The following CORO7 variants were observed in gnomAD, a reference collection of about 807,000 sequenced individuals.
CORO7 encodes the protein coronin 7, also known as coronin-7.
CORO7 carries 107 observed loss-of-function variants against 126.6 expected under a neutral mutation model. The ratio of observed to expected loss-of-function variants is 0.85; its 90% CI spans 0.72 to 0.99. CORO7 has a LOEUF of 0.99. CORO7 is among the 50% of genes least tolerant of loss of function. The pLI is 0.00. For missense variants in CORO7, 1,314 were observed against 1,255.8 expected (o/e 1.05, Z -0.70); for synonymous variants, 603 against 536.8 (o/e 1.12, Z -1.70).
chr16:4,403,713 T>C (rs934887), intron 6 of CORO7, among the ~76,000 whole-genome samples: 7,869 of 152,212 alleles, frequency 0.052, 249 homozygotes, highest in Admixed American at 0.1. Context: ...ACAACTGTGA[T>C]AGTAAATAGG....
chr16:4,392,405 C>T (rs754547579), intron 7 of CORO7, among the ~76,000 whole-genome samples: 7 of 152,174 alleles, frequency 4.6e-5, no homozygotes, highest in Non-Finnish European at 7.4e-5. Context: ...AAGTGCCTGG[C>T]GCATAACAAA....
At chr16:4,378,879 G>A (rs758555524) in intron 9 of CORO7, among the ~76,000 whole-genome samples, 3 of 152,056 alleles carry the variant, frequency 2.0e-5, no homozygotes, top group Non-Finnish European at 2.9e-5. Context: ...TCGCTAACTG[G>A]CTAGGGGCTC....
chr16:4,369,579 G>C (rs1357690537), intron 9 of CORO7, among the ~76,000 whole-genome samples: 1 of 152,198 alleles, frequency 6.6e-6, no homozygotes, highest in Non-Finnish European at 1.5e-5. Context: ...TGGGAGGCAC[G>C]AGCAGTTTCA....
At chr16:4,383,193 G>T in intron 9 of CORO7, 1 of 383,880 alleles carries the variant, frequency 2.6e-6, no homozygotes, top group Non-Finnish European at 4.8e-6. Context: ...GCCATGTGCT[G>T]GTAACGCATG....
intron 1 of CORO7, 145 bp downstream of exon 1, chr16:4,416,314 C>T (rs2056410306): frequency 1.7e-6 from 2 of 1,192,160 alleles, no homozygotes; most frequent in East Asian, 6.4e-5. Context: ...GACGCCGGGG[C>T]CCTGGCCTGA....
intron 9 of CORO7, chr16:4,382,859 C>T (rs774531269): frequency 6.3e-7 from 1 of 1,576,530 alleles, no homozygotes; most frequent in Non-Finnish European, 8.6e-7. Context: ...TTCCCAGGGC[C>T]TGGCCTCCAG....
chr16:4,382,411 C>T (rs2055018393), intron 9 of CORO7: 2 of 1,611,658 alleles, frequency 1.2e-6, no homozygotes, highest in South Asian at 1.1e-5. Context: ...GGTGACGCTG[C>T]GACTGCCTGC....
rs374434380 is a variant in CORO7 at position 4,361,412 on chromosome 16, C to T, written c.1636G>A (p.Ala546Thr). ...GGGTCCCAGGCCAGATCAGTCACAG[C>T]TGCCCCATTCTGCAGCGTGGGCAGT... The part of the protein sequence containing the change: ...TALPTLQNGA[A>T]VTDLAWDPFD... The change falls in exon 17 of 28, where the codon GCT becomes ACT. Residue 546 changes from alanine to threonine, a missense_variant. Coordinates refer to ENST00000251166, the MANE Select transcript of CORO7 (RefSeq NM_024535.5). The T allele has an allele frequency of 1.2e-6, 2 of 1,611,764 alleles. No individual in the cohort carries two copies. Among genetic ancestry groups the T allele is most frequent in the African/African-American group, 2.7e-5 (2 of 74,882 alleles).
At chr16:4,374,852 C>T (rs908609291) in intron 9 of CORO7, among the ~76,000 whole-genome samples, 4 of 152,138 alleles carry the variant, frequency 2.6e-5, no homozygotes, top group African/African-American at 7.2e-5. Context: ...TTAGGGCTGG[C>T]GGCCTTCCTT....
In CORO7 at chr16:4,364,911, C is replaced by T. The variant is rs781554845; in HGVS notation, c.908G>A (p.Cys303Tyr). ...QQPALSPVTQ[C>Y]VLESVLRGAA... Reference sequence around the variant, plus strand: ...CCCACGCAGCACGCTCTCCAGGACACACTGGGTCACTGTTGAGGACACCAT... The same window carrying T: ...CCCACGCAGCACGCTCTCCAGGACATACTGGGTCACTGTTGAGGACACCAT... Residue 303 changes from cysteine to tyrosine, a missense_variant, in exon 12 of 28, where the codon TGT becomes TAT. By Grantham distance (194) the Cys-to-Tyr change is radical. Transcript: ENST00000251166. 2 of 1,610,348 alleles carry T rather than the reference C, an allele frequency of 1.2e-6. No homozygotes were observed. Among genetic ancestry groups the T allele is most frequent in the Non-Finnish European group, 1.7e-6 (2 of 1,178,854 alleles).
Position 4,362,631 on chromosome 16 carries a change from C to A in CORO7, c.1383G>T (p.Arg461Ser). 2.6e-6 allele frequency: 4 copies of A among 1,561,998 alleles called. No individual in the cohort carries two copies. The South Asian group carries it at 4.7e-5, about 18-fold the overall frequency. ...TSGIGTSPSL[R>S]SLQSLLGPSS... ...CCTTACCCAGCAGGCTCTGCAGCGACCTCAAACTGGGGCTGGTCCCGATGC... is the reference window on the plus strand; with the variant it reads ...CCTTACCCAGCAGGCTCTGCAGCGAACTCAAACTGGGGCTGGTCCCGATGC... Residue 461 changes from arginine (R) to serine (S), a missense_variant, in exon 15 of 28, where the codon AGG becomes AGT. Coordinates refer to ENST00000251166, the MANE Select transcript of CORO7 (RefSeq NM_024535.5). The surrounding 1 kb of genome is among the most constrained non-coding windows in gnomAD (Gnocchi z 5.3).
At position 4,361,475 on chromosome 16, in the gene CORO7, G is replaced by A; in HGVS notation, c.1579-6C>T. On this transcript the variant is annotated splice_region_variant and splice_polypyrimidine_tract_variant and intron_variant, in intron 16 of 27. Transcript: ENST00000251166. ...AGGCGGCCAGGCTTCCGTAGCTGTGGGAGGTGCCCCCACCCCGAGGCCCAT... is the reference window on the plus strand; with the variant it reads ...AGGCGGCCAGGCTTCCGTAGCTGTGAGAGGTGCCCCCACCCCGAGGCCCAT... 6.2e-7 allele frequency: 1 copy of A among 1,610,856 alleles called. No individual in the cohort carries two copies. The highest frequency in any genetic ancestry group is 1.1e-5 in the South Asian group (1 of 91,012).
intron 25 of CORO7, 154 bp downstream of exon 25, chr16:4,357,813 TC>T: frequency 7.4e-7 from 1 of 1,350,004 alleles, no homozygotes; most frequent in Non-Finnish European, 9.9e-7. Flanking sequence ...AGCCCTGCCC[TC>T]CACTGGCTCA....
In CORO7 at chr16:4,416,581, C is replaced by G. The variant is rs1196565328; in HGVS notation, c.-63G>C. On this transcript the variant is annotated 5_prime_UTR_variant, in exon 1 of 28. Transcript: ENST00000251166. ...CCGGGCGTCGGGTCTCAGGTGCACG[C>G]TGAGCAACCGCGACTCCCGCTGCCT... 7.1e-6 allele frequency: 11 copies of G among 1,550,764 alleles called. No individual in the cohort carries two copies. Among genetic ancestry groups the G allele is most frequent in the Non-Finnish European group, 9.5e-6 (11 of 1,154,832 alleles).
intron 6 of CORO7, among the ~76,000 whole-genome samples, chr16:4,398,328 A>G (rs1188154485): frequency 1.4e-4 from 21 of 152,228 alleles, no homozygotes; most frequent in Admixed American, 1.4e-3. Flanking sequence ...ACAGTAAGAT[A>G]TCCCCTGACA....
chr16:4,356,141 C>T (rs1238061556), intron 26 of CORO7, among the ~76,000 whole-genome samples: 4 of 151,490 alleles, frequency 2.6e-5, no homozygotes, highest in Admixed American at 6.6e-5. Flanking sequence ...TTAGTAGAGA[C>T]GAGGTTTCAT....
chr16:4,407,359 G>C, intron 5 of CORO7, 142 bp downstream of exon 5: 2 of 960,462 alleles, frequency 2.1e-6, no homozygotes, highest in Non-Finnish European at 3.0e-6. Context: ...CAGCCTCATA[G>C]AATCTTAAGA....
At chr16:4,395,216 C>T in intron 7 of CORO7, 73 bp downstream of exon 7, 2 of 1,608,342 alleles carry the variant, frequency 1.2e-6, no homozygotes, top group South Asian at 2.2e-5. Flanking sequence ...CCCCTACCTC[C>T]ACCTGCTAGA....
At chr16:4,365,310 G>A (rs1030219427) in intron 10 of CORO7, among the ~76,000 whole-genome samples, 181 bp downstream of exon 10, 16 of 152,312 alleles carry the variant, frequency 1.1e-4, no homozygotes, top group African/African-American at 3.8e-4. Flanking sequence ...ACTGTGTGCT[G>A]ACACTGCTCT....
Sources: gnomAD v4.1 joint callset for allele counts (sites outside exome capture counted in the v4.1 genomes callset) on GRCh38, gnomAD v4.1.1 for gene constraint, Gnocchi (gnomAD v3.1) non-coding constraint, MANE v1.5 for transcripts, NCBI Gene and HGNC (gene_info 2026-07-23, HGNC 2026-07-21) for gene names.